Variants in LRRC4C observed in about 807,000 individuals in gnomAD.
LRRC4C encodes leucine rich repeat containing 4C.
A neutral mutation model predicts 33.6 loss-of-function variants in LRRC4C; 5 were observed. That is an observed-to-expected ratio of 0.15 (90% confidence interval 0.08 to 0.31). The LOEUF is 0.31. LRRC4C is among the 10% of genes least tolerant of loss of function. LRRC4C has a pLI of 1.00. For missense variants in LRRC4C, 560 were observed against 796.7 expected, an observed-to-expected ratio of 0.70 and a Z score of 3.58; for synonymous variants, 329 against 302.0, an observed-to-expected ratio of 1.09 and a Z score of -0.93.
intron 6 of LRRC4C, among the ~76,000 whole-genome samples, chr11:40,132,759 A>G (rs1292428882): frequency 6.6e-6 from 1 of 152,106 alleles, no homozygotes; most frequent in Non-Finnish European, 1.5e-5. Flanking sequence ...TCCCTCAATA[A>G]ACAAATCTAG....
At chr11:41,250,354 T>C (rs938303674) in intron 1 of LRRC4C, among the ~76,000 whole-genome samples, 1 of 152,228 alleles carries the variant, frequency 6.6e-6, no homozygotes, top group East Asian at 1.9e-4. Flanking sequence ...TGGGAGTTTC[T>C]TGACTTTCAA....
chr11:40,220,342 C>T (rs1389639882), intron 5 of LRRC4C, among the ~76,000 whole-genome samples: 2 of 152,100 alleles, frequency 1.3e-5, no homozygotes, highest in African/African-American at 4.8e-5. Flanking sequence ...TTAGGCTTTT[C>T]ATATATATGT....
At chr11:41,116,370 T>G (rs1942125211) in intron 1 of LRRC4C, among the ~76,000 whole-genome samples, 1 of 152,086 alleles carries the variant, frequency 6.6e-6, no homozygotes, top group South Asian at 2.1e-4. Flanking sequence ...CCCAATTACA[T>G]AGTAAACAGC....
intron 3 of LRRC4C, among the ~76,000 whole-genome samples, chr11:40,500,664 G>A (rs1008698339): frequency 2.0e-5 from 3 of 152,098 alleles, no homozygotes; most frequent in East Asian, 3.9e-4. Context: ...AAACTGCCCC[G>A]ATAGTTCAAT....
chr11:40,598,218 G>A (rs1043769474), intron 3 of LRRC4C, among the ~76,000 whole-genome samples: 1 of 152,090 alleles, frequency 6.6e-6, no homozygotes, highest in Non-Finnish European at 1.5e-5. Flanking sequence ...AGAAAAGAAA[G>A]AAAAAACATT....
At chr11:41,286,333 T>A (rs928629846) in intron 1 of LRRC4C, among the ~76,000 whole-genome samples, 1 of 152,176 alleles carries the variant, frequency 6.6e-6, no homozygotes, top group African/African-American at 2.4e-5. Flanking sequence ...AGTGCTAAAT[T>A]TGAAATTGAG....
chr11:40,898,475 A>T (rs749762289), intron 2 of LRRC4C, among the ~76,000 whole-genome samples: 1 of 152,032 alleles, frequency 6.6e-6, no homozygotes, highest in Non-Finnish European at 1.5e-5. Flanking sequence ...AGATGGGAAT[A>T]ATCATACGGA....
At chr11:40,695,277 G>T (rs1203761398) in intron 2 of LRRC4C, among the ~76,000 whole-genome samples, 1 of 152,112 alleles carries the variant, frequency 6.6e-6, no homozygotes, top group East Asian at 1.9e-4. Context: ...ACTCGGACTA[G>T]TTTGATCACT....
intron 1 of LRRC4C, among the ~76,000 whole-genome samples, chr11:41,383,667 GA>G (rs1335625852): frequency 1.3e-5 from 2 of 151,574 alleles, no homozygotes; most frequent in Non-Finnish European, 2.9e-5. Context: ...AGAAAAAGAA[GA>G]AAAAGAAAAA....
At chr11:40,899,146 C>T (rs546330065) in intron 2 of LRRC4C, among the ~76,000 whole-genome samples, 10 of 151,756 alleles carry the variant, frequency 6.6e-5, no homozygotes, top group Admixed American at 2.6e-4. Flanking sequence ...CAACTCATTC[C>T]AAGTATTGCC....
At position 40,209,531 on chromosome 11, in the gene LRRC4C, C is replaced by T. The variant is rs116819898; in HGVS notation, c.-96+31988G>A. ...CCTCTTTTTTGATGGGACGTTTGAT[C>T]ATCTAACAAAAATATATATACATAT... On this transcript the variant is annotated intron_variant, in intron 5 of 6. Transcript: ENST00000528697. 6.4e-3 allele frequency among the ~76,000 whole-genome samples: 980 copies of T among 152,164 alleles called. 13 individuals are homozygous for T. The highest frequency in any genetic ancestry group is 0.022 in the African/African-American group (930 of 41,520).
chr11:40,798,472 C>T (rs895314200), intron 2 of LRRC4C, among the ~76,000 whole-genome samples: 1 of 151,968 alleles, frequency 6.6e-6, no homozygotes, highest in South Asian at 2.1e-4. Flanking sequence ...GTTATTAGTA[C>T]TTTTAAAAAC....
chr11:40,733,289 A>G (rs932011948), intron 2 of LRRC4C, among the ~76,000 whole-genome samples: 1 of 151,876 alleles, frequency 6.6e-6, no homozygotes, highest in Non-Finnish European at 1.5e-5. Flanking sequence ...GTTAGCCAGG[A>G]TGGTCTTGAT....
chr11:40,266,417 T>G (rs1306557694), intron 4 of LRRC4C, among the ~76,000 whole-genome samples: 1 of 152,154 alleles, frequency 6.6e-6, no homozygotes, highest in Non-Finnish European at 1.5e-5. Flanking sequence ...CAGTGAGTCT[T>G]GATTGTGCCA....
chr11:41,167,844 G>A (rs1944798883), intron 1 of LRRC4C, among the ~76,000 whole-genome samples: 2 of 152,232 alleles, frequency 1.3e-5, no homozygotes, highest in Admixed American at 6.5e-5. Context: ...CACTAATTAT[G>A]TACTGAATGG....
chr11:41,089,724 T>C (rs917121760), intron 1 of LRRC4C, among the ~76,000 whole-genome samples: 1 of 152,138 alleles, frequency 6.6e-6, no homozygotes, highest in East Asian at 1.9e-4. Flanking sequence ...GTTTGGGTGA[T>C]GTATTTTTAG....
rs142909883 is a variant in LRRC4C, at chr11:41,022,142, T to TTATATA, written c.-495-88425_-495-88420dup. Among the ~76,000 whole-genome samples, 820 of 139,042 alleles carry TTATATA rather than the reference T, an allele frequency of 5.9e-3. 3 individuals carry two copies. Among genetic ancestry groups the TTATATA allele is most frequent in the African/African-American group, 0.014 (504 of 36,678 alleles). The allele number at this position is 139,042 out of a possible 152,430, so 91.2% of individuals were successfully genotyped here. A position where few individuals can be genotyped will look rare whatever the true frequency, so the allele number is the denominator to read the frequency against. ...AATTTTATGAGCTTACAATTTTGTTTTATATATATATATATATATATATGT... is the reference window on the plus strand; with the variant it reads ...AATTTTATGAGCTTACAATTTTGTTTTATATATATATATATATATATATATATATGT... On this transcript the variant is annotated intron_variant, in intron 1 of 6. Coordinates refer to ENST00000528697, the MANE Select transcript of LRRC4C (RefSeq NM_001258419.2).
chr11:41,194,660 G>A (rs1037940811), intron 1 of LRRC4C, among the ~76,000 whole-genome samples: 29 of 152,000 alleles, frequency 1.9e-4, no homozygotes, highest in African/African-American at 6.8e-4. Context: ...GGAACAAAAC[G>A]ATGCCAAAAA....
rs77593450 is a variant in LRRC4C at position 40,275,199 on chromosome 11, C to CT, written c.-175-33602dup. On this transcript the variant is annotated intron_variant, in intron 4 of 6. Transcript: ENST00000528697. ...TATGTGAGAAATACACTGCATTCTA[C>CT]TTTTTTTTGCCTCTATCTGTTATTG... is the stretch of plus-strand genomic sequence containing the variant. Among the ~76,000 whole-genome samples, 286 of 152,044 alleles carry CT rather than the reference C, an allele frequency of 1.9e-3. 3 individuals are homozygous for CT. The East Asian group carries it at 0.028, about 15-fold the overall frequency.
Sources: gnomAD v4.1 joint callset for allele counts (sites outside exome capture counted in the v4.1 genomes callset) on GRCh38, gnomAD v4.1.1 for gene constraint, MANE v1.5 for transcripts, NCBI Gene and HGNC (gene_info 2026-07-23, HGNC 2026-07-21) for gene names.